The following SPIDR variants were observed in gnomAD, a reference collection of about 807,000 sequenced individuals.
The protein encoded by SPIDR is scaffold protein involved in DNA repair.
In SPIDR, 93 loss-of-function variants were observed where a neutral mutation model predicts 104.6. The observed-to-expected ratio is 0.89, with a 90% confidence interval of 0.75 to 1.06. SPIDR has a LOEUF of 1.06. Ranked by LOEUF, SPIDR falls within the 50% of genes least tolerant of loss-of-function variation. The pLI is 0.00. For missense variants in SPIDR, 1,154 were observed against 1,111.2 expected (o/e 1.04, Z -0.55); for synonymous variants, 431 against 416.9 (o/e 1.03, Z -0.41).
intron 3 of SPIDR, among the ~76,000 whole-genome samples, chr8:47,286,112 C>G (rs1387323279): frequency 6.6e-6 from 1 of 152,080 alleles, no homozygotes; most frequent in Non-Finnish European, 1.5e-5. Flanking sequence ...TAATGATTAT[C>G]CTGTCTTTTA....
intron 5 of SPIDR, among the ~76,000 whole-genome samples, chr8:47,381,518 G>A (rs1352049980): frequency 6.6e-6 from 1 of 152,214 alleles, no homozygotes; most frequent in African/African-American, 2.4e-5. Context: ...GCTACTGACT[G>A]TGCTCGTTTG....
Position 47,316,515 on chromosome 8 carries a change from A to G in SPIDR, c.525+22485A>G, listed in dbSNP as rs782628411. 6.6e-5 allele frequency among the ~76,000 whole-genome samples: 10 copies of G among 152,246 alleles called. 1 individual carries two copies. Among genetic ancestry groups the G allele is most frequent in the Non-Finnish European group, 1.5e-4 (10 of 68,040 alleles). ...TAGGTATAGTCATAAATGGAATACA[A>G]CTTAGCAATGATAAGGAACACTGTC... On this transcript the variant is annotated intron_variant, in intron 5 of 19. Transcript: ENST00000297423.
intron 11 of SPIDR, among the ~76,000 whole-genome samples, chr8:47,694,679 G>A (rs1286977102): frequency 6.6e-6 from 1 of 152,170 alleles, no homozygotes; most frequent in East Asian, 1.9e-4. Flanking sequence ...GCTAAGGCCA[G>A]AGGATTGCTT....
intron 5 of SPIDR, among the ~76,000 whole-genome samples, chr8:47,389,465 A>G (rs369414933): frequency 2.2e-3 from 329 of 152,096 alleles, no homozygotes; most frequent in African/African-American, 7.3e-3. Context: ...CGAGGCGGGC[A>G]GATCACGAGG....
intron 8 of SPIDR, chr8:47,511,788 C>T (rs373298530): frequency 8.2e-7 from 1 of 1,222,578 alleles, no homozygotes; most frequent in Non-Finnish European, 1.2e-6. Context: ...AGAGATCATC[C>T]ACCAGCTCAT....
intron 19 of SPIDR, among the ~76,000 whole-genome samples, chr8:47,735,028 C>G (rs535996178): frequency 6.6e-6 from 1 of 152,160 alleles, no homozygotes; most frequent in Non-Finnish European, 1.5e-5. Context: ...CATCGTGTCC[C>G]AAGTAAAAAC....
intron 8 of SPIDR, among the ~76,000 whole-genome samples, chr8:47,582,864 A>G (rs2059861370): frequency 7.3e-6 from 1 of 137,732 alleles, no homozygotes; most frequent in Non-Finnish European, 1.6e-5. Context: ...ACACACACAC[A>G]CACACATATT....
intron 5 of SPIDR, among the ~76,000 whole-genome samples, chr8:47,391,591 C>G (rs899305688): frequency 2.6e-5 from 4 of 151,968 alleles, no homozygotes; most frequent in Admixed American, 6.6e-5. Flanking sequence ...AATGACTACA[C>G]GAAGAATCCA....
chr8:47,450,928 C>T (rs887761100), intron 8 of SPIDR, among the ~76,000 whole-genome samples: 9 of 152,118 alleles, frequency 5.9e-5, no homozygotes, highest in East Asian at 1.9e-4. Context: ...TAAGATTCTG[C>T]GATCCCTGAG....
intron 5 of SPIDR, among the ~76,000 whole-genome samples, chr8:47,323,334 T>C (rs2047110402): frequency 6.6e-6 from 1 of 152,232 alleles, no homozygotes; most frequent in Non-Finnish European, 1.5e-5. Context: ...ATAATTCTTT[T>C]ATCTTAGAGA....
At chr8:47,576,891 A>C (rs1388783413) in intron 8 of SPIDR, among the ~76,000 whole-genome samples, 1 of 152,210 alleles carries the variant, frequency 6.6e-6, no homozygotes, top group Non-Finnish European at 1.5e-5. Flanking sequence ...GACAAAACTG[A>C]GACTTGAATT....
intron 8 of SPIDR, among the ~76,000 whole-genome samples, chr8:47,460,941 T>C (rs2073837011): frequency 6.6e-6 from 1 of 152,214 alleles, no homozygotes; most frequent in Non-Finnish European, 1.5e-5. Context: ...TGATACAAAG[T>C]TCTTGGCTGA....
At chr8:47,326,644 C>A (rs1023105304) in intron 5 of SPIDR, among the ~76,000 whole-genome samples, 2 of 152,186 alleles carry the variant, frequency 1.3e-5, no homozygotes, top group Admixed American at 6.5e-5. Flanking sequence ...CTTGGTAACA[C>A]CAGTCTGCTT....
chr8:47,655,260 T>A (rs967029360), intron 10 of SPIDR, among the ~76,000 whole-genome samples: 5 of 152,144 alleles, frequency 3.3e-5, no homozygotes, highest in African/African-American at 1.2e-4. Context: ...GATGGCTGGG[T>A]CAAATGGTAT....
chr8:47,599,877 G>T (rs577300456), intron 10 of SPIDR, among the ~76,000 whole-genome samples: 1 of 152,028 alleles, frequency 6.6e-6, no homozygotes, highest in East Asian at 1.9e-4. Flanking sequence ...AGAGATTCTC[G>T]TGCCCAAGTA....
chr8:47,363,648 G>A lies in SPIDR; in HGVS notation c.526-32728G>A, dbSNP rs782343131. 3.3e-5 allele frequency among the ~76,000 whole-genome samples: 5 copies of A among 152,048 alleles called. No homozygotes were observed. The East Asian group carries it at 7.7e-4, about 24-fold the overall frequency. The stretch of plus-strand genomic sequence containing the variant: ...TTCCACAATGCTTATGTTTGGAACC[G>A]TAGTGAACAGTTATTTATGTTATCG... On this transcript the variant is annotated intron_variant, in intron 5 of 19. Transcript: ENST00000297423.
At chr8:47,292,245 AG>A (rs1414233702) in intron 4 of SPIDR, among the ~76,000 whole-genome samples, 1 of 152,174 alleles carries the variant, frequency 6.6e-6, no homozygotes, top group Non-Finnish European at 1.5e-5. Flanking sequence ...TTAGTTACCT[AG>A]GGTTCAGTTT....
chr8:47,394,786 G>A (rs1438323757), intron 5 of SPIDR, among the ~76,000 whole-genome samples: 1 of 152,058 alleles, frequency 6.6e-6, no homozygotes, highest in African/African-American at 2.4e-5. Context: ...GAACTGCTCT[G>A]GATCTCTTGG....
chr8:47,291,564 C>T (rs1397640231), intron 4 of SPIDR, among the ~76,000 whole-genome samples: 4 of 152,212 alleles, frequency 2.6e-5, no homozygotes, highest in Non-Finnish European at 5.9e-5. Flanking sequence ...GAGTCCCACC[C>T]TCTATGCTAA....
Sources: allele counts gnomAD v4.1 joint callset (sites outside exome capture counted in the v4.1 genomes callset), GRCh38; gene constraint gnomAD v4.1.1; transcripts MANE v1.5; gene names NCBI Gene and HGNC (gene_info 2026-07-23, HGNC 2026-07-21).